Variants in GNA12 observed in about 807,000 individuals in gnomAD.
The protein encoded by GNA12 is guanine nucleotide-binding protein subunit alpha-12.
GNA12 carries 9 observed loss-of-function variants against 26.0 expected under a neutral mutation model. That is an observed-to-expected ratio of 0.35 (90% CI 0.21 to 0.60). The LOEUF (loss-of-function observed/expected upper bound fraction) is 0.60. Among genes scored for constraint, GNA12 ranks in the 20% least tolerant of loss-of-function variants. The probability of loss-of-function intolerance (pLI) is 0.78; values close to 1 mark genes in which losing one functional copy is unlikely to be tolerated. For missense variants in GNA12, 405 were observed against 525.8 expected (o/e 0.77, Z 2.25); for synonymous variants, 264 against 219.6 (o/e 1.20, Z -1.79).
intron 1 of GNA12, among the ~76,000 whole-genome samples, chr7:2,815,601 C>G (rs1793200781): frequency 6.6e-6 from 1 of 152,230 alleles, no homozygotes; most frequent in South Asian, 2.1e-4. Context: ...ACCAGCCAAT[C>G]CTAAACCGCG....
chr7:2,796,896 C>T (rs1003408142), intron 1 of GNA12, among the ~76,000 whole-genome samples: 2 of 152,136 alleles, frequency 1.3e-5, no homozygotes, highest in African/African-American at 4.8e-5. Flanking sequence ...ACTAATGTTT[C>T]GAAATCAGCA....
At chr7:2,799,693 A>T (rs941382825) in intron 1 of GNA12, among the ~76,000 whole-genome samples, 2 of 152,206 alleles carry the variant, frequency 1.3e-5, no homozygotes, top group Non-Finnish European at 2.9e-5. Context: ...TTTTAAAGAA[A>T]ATGGGCAAGA....
At chr7:2,781,449 T>C (rs925553757) in intron 2 of GNA12, among the ~76,000 whole-genome samples, 1 of 144,956 alleles carries the variant, frequency 6.9e-6, no homozygotes, top group African/African-American at 2.6e-5. Context: ...TGTGTGTGTG[T>C]AGGGTACAAT....
intron 1 of GNA12, among the ~76,000 whole-genome samples, chr7:2,833,979 A>G (rs988966963): frequency 6.6e-6 from 1 of 152,244 alleles, no homozygotes; most frequent in East Asian, 1.9e-4. Flanking sequence ...GATATTCCAC[A>G]ACAAAAGCTG....
chr7:2,832,055 C>T (rs572128489), intron 1 of GNA12, among the ~76,000 whole-genome samples: 5 of 152,310 alleles, frequency 3.3e-5, no homozygotes, highest in Admixed American at 6.5e-5. Flanking sequence ...CTTGACTGAG[C>T]ATCAAACTGT....
At chr7:2,781,775 T>C (rs1167446882) in intron 2 of GNA12, among the ~76,000 whole-genome samples, 2 of 152,146 alleles carry the variant, frequency 1.3e-5, no homozygotes, top group Non-Finnish European at 2.9e-5. Flanking sequence ...ATCTCTGTGA[T>C]AGAGCAAGTC....
chr7:2,835,317 G>C (rs1424811798), intron 1 of GNA12, among the ~76,000 whole-genome samples: 2 of 152,188 alleles, frequency 1.3e-5, no homozygotes. Context: ...GGACAGCCCA[G>C]TCAGGAAGTG....
intron 2 of GNA12, among the ~76,000 whole-genome samples, chr7:2,769,624 TC>T (rs1791898195): frequency 6.6e-6 from 1 of 151,984 alleles, no homozygotes; most frequent in African/African-American, 2.4e-5. Flanking sequence ...TCCCAGCTAC[TC>T]AGGAGGCTGA....
chr7:2,775,821 T>G (rs920078504), intron 2 of GNA12, among the ~76,000 whole-genome samples: 1 of 152,220 alleles, frequency 6.6e-6, no homozygotes, highest in South Asian at 2.1e-4. Flanking sequence ...CCCACAGAGC[T>G]GGCAGAGTCC....
intron 2 of GNA12, among the ~76,000 whole-genome samples, chr7:2,765,937 C>T (rs957184502): frequency 1.3e-5 from 2 of 151,866 alleles, no homozygotes; most frequent in Admixed American, 6.6e-5. Context: ...CCACTGCGCC[C>T]GGCTCCACAT....
At chr7:2,738,548 A>G (rs1229744545) in intron 2 of GNA12, among the ~76,000 whole-genome samples, 3 of 152,020 alleles carry the variant, frequency 2.0e-5, no homozygotes, top group Non-Finnish European at 4.4e-5. Context: ...GGAGACTAAA[A>G]CCCATATTCT....
chr7:2,753,593 G>C (rs181415412), intron 2 of GNA12, among the ~76,000 whole-genome samples: 504 of 152,216 alleles, frequency 3.3e-3, no homozygotes, highest in Middle Eastern at 0.014. Context: ...TACCAATCTA[G>C]AGACATTTTG....
chr7:2,749,284 G>A (rs1023916028), intron 2 of GNA12, among the ~76,000 whole-genome samples: 3 of 152,102 alleles, frequency 2.0e-5, no homozygotes, highest in African/African-American at 7.2e-5. Context: ...ATGATAGACT[G>A]GATTAAGAAA....
intron 2 of GNA12, among the ~76,000 whole-genome samples, chr7:2,747,514 C>T (rs569217320): frequency 1.4e-3 from 206 of 152,242 alleles, no homozygotes; most frequent in Non-Finnish European, 2.2e-3. Context: ...ATTGATGGGA[C>T]GTATCTCAAA....
At chr7:2,752,661 C>T (rs1263052359) in intron 2 of GNA12, among the ~76,000 whole-genome samples, 1 of 152,174 alleles carries the variant, frequency 6.6e-6, no homozygotes, top group Non-Finnish European at 1.5e-5. Flanking sequence ...CTGCCAATAA[C>T]CCAATGGAAT....
chr7:2,780,680 T>C (rs1442653647), intron 2 of GNA12, among the ~76,000 whole-genome samples: 2 of 152,204 alleles, frequency 1.3e-5, no homozygotes, highest in African/African-American at 2.4e-5. Context: ...CTGGTATCTT[T>C]GGGCCAACAT....
intron 2 of GNA12, among the ~76,000 whole-genome samples, chr7:2,784,100 A>G (rs915281448): frequency 2.6e-5 from 4 of 152,182 alleles, no homozygotes; most frequent in African/African-American, 9.7e-5. Flanking sequence ...ATTTTATTTA[A>G]TTTAAAATTT....
intron 1 of GNA12, among the ~76,000 whole-genome samples, chr7:2,802,117 C>G (rs948755291): frequency 6.6e-6 from 1 of 151,898 alleles, no homozygotes; most frequent in Admixed American, 6.6e-5. Flanking sequence ...TAAATAAGAA[C>G]GACAACTCAT....
intron 2 of GNA12, among the ~76,000 whole-genome samples, chr7:2,743,555 G>T (rs1378974582): frequency 6.6e-6 from 1 of 152,168 alleles, no homozygotes; most frequent in Non-Finnish European, 1.5e-5. Context: ...AGAGGTCAGG[G>T]AGGATCCAAG....
Sources: gnomAD v4.1 joint callset for allele counts (sites outside exome capture counted in the v4.1 genomes callset) on GRCh38, gnomAD v4.1.1 for gene constraint, MANE v1.5 for transcripts, NCBI Gene and HGNC (gene_info 2026-07-23, HGNC 2026-07-21) for gene names.